Variants in NFIA observed in about 807,000 individuals in gnomAD.
NFIA encodes nuclear factor I A.
In NFIA, 8 loss-of-function variants were observed where a neutral mutation model predicts 62.8. The observed-to-expected ratio is 0.13, with a 90% CI of 0.07 to 0.23. NFIA has a LOEUF of 0.23. Among genes scored for constraint, NFIA ranks in the 10% least tolerant of loss-of-function variants. The probability of loss-of-function intolerance (pLI) is 1.00; values close to 1 mark genes in which losing one functional copy is unlikely to be tolerated. For synonymous variants in NFIA, 235 were observed against 238.1 expected, an observed-to-expected ratio of 0.99 and a Z score of 0.12; for missense variants, 410 against 642.1, an observed-to-expected ratio of 0.64 and a Z score of 3.91.
At chr1:61,381,335 G>T (rs7545732) in intron 6 of NFIA, among the ~76,000 whole-genome samples, 13,387 of 151,888 alleles carry the variant, frequency 0.088, 652 homozygotes, top group Middle Eastern at 0.12. Context: ...CTCCTTAGTG[G>T]AATTACATGA....
chr1:61,375,336 C>T (rs1664095574), intron 6 of NFIA, among the ~76,000 whole-genome samples: 1 of 152,118 alleles, frequency 6.6e-6, no homozygotes, highest in South Asian at 2.1e-4. Context: ...ATGGACATGA[C>T]TGAGCTGTCT....
chr1:61,383,463 G>C (rs559917945), intron 7 of NFIA, 98 bp downstream of exon 7: 1 of 1,390,246 alleles, frequency 7.2e-7, no homozygotes, highest in Admixed American at 2.1e-5. Context: ...CTGAACACTC[G>C]TGAGGCAGTG....
At chr1:61,210,468 A>G (rs1479240968) in intron 2 of NFIA, among the ~76,000 whole-genome samples, 2 of 152,242 alleles carry the variant, frequency 1.3e-5, no homozygotes, top group African/African-American at 4.8e-5. Flanking sequence ...AGACTTAAAT[A>G]TGAGAGGATG....
At chr1:61,421,018 G>T (rs1446080815) in intron 9 of NFIA, among the ~76,000 whole-genome samples, 1 of 151,968 alleles carries the variant, frequency 6.6e-6, no homozygotes, top group Non-Finnish European at 1.5e-5. Context: ...CCCTGCCTCT[G>T]TTCCTCCAAT....
intron 6 of NFIA, among the ~76,000 whole-genome samples, chr1:61,375,110 A>C (rs6665537): frequency 0.16 from 24,556 of 152,146 alleles, 2,163 homozygotes; most frequent in East Asian, 0.36. Flanking sequence ...ATGGTTAGAG[A>C]TAATCTAATT....
chr1:61,386,270 A>G (rs17122100), intron 7 of NFIA, among the ~76,000 whole-genome samples: 2,084 of 151,378 alleles, frequency 0.014, 53 homozygotes, highest in African/African-American at 0.049. Flanking sequence ...TCGATGTCAC[A>G]TGTGCGCATA....
At chr1:61,156,375 G>A (rs1402969726) in intron 2 of NFIA, among the ~76,000 whole-genome samples, 3 of 152,162 alleles carry the variant, frequency 2.0e-5, no homozygotes, top group Non-Finnish European at 2.9e-5. Flanking sequence ...GGACTTGTAT[G>A]TATTTATTAG....
Position 61,106,100 on chromosome 1 carries a change from C to CATCTATCTATCTATCTATCT in NFIA, c.559+17435_559+17454dup, listed in dbSNP as rs58274631. 4.7e-3 allele frequency among the ~76,000 whole-genome samples: 705 copies of CATCTATCTATCTATCTATCT among 149,152 alleles called. 6 individuals carry two copies. The highest frequency in any genetic ancestry group is 0.022 in the East Asian group (112 of 5,012). ...AAAAATCCTCTCTCTCTCTCTCATG[C>CATCTATCTATCTATCTATCT]ATCTATCTATCTATCTATCTATCTA... On this transcript the variant is annotated intron_variant, in intron 2 of 10. Coordinates refer to ENST00000403491, the MANE Select transcript of NFIA (RefSeq NM_001134673.4).
intron 6 of NFIA, among the ~76,000 whole-genome samples, chr1:61,364,958 G>A (rs975394113): frequency 6.6e-6 from 1 of 152,170 alleles, no homozygotes; most frequent in African/African-American, 2.4e-5. Context: ...CCCAAGGTGG[G>A]AGGATTGCTT....
chr1:61,349,711 A>C (rs1371906362), intron 4 of NFIA, among the ~76,000 whole-genome samples: 4 of 152,132 alleles, frequency 2.6e-5, no homozygotes, highest in Non-Finnish European at 5.9e-5. Flanking sequence ...AGTAGCTGGG[A>C]CTACAGGCAC....
intron 6 of NFIA, among the ~76,000 whole-genome samples, chr1:61,376,089 A>G (rs1408687635): frequency 1.3e-5 from 2 of 152,160 alleles, no homozygotes; most frequent in African/African-American, 2.4e-5. Flanking sequence ...CTTAGTTTCT[A>G]TAAAGATATA....
intron 2 of NFIA, among the ~76,000 whole-genome samples, chr1:61,092,087 T>C (rs1557558923): frequency 6.6e-6 from 1 of 152,294 alleles, no homozygotes; most frequent in Non-Finnish European, 1.5e-5. Flanking sequence ...TGGGGACATT[T>C]AAAATCTAAA....
chr1:61,288,001 A>T (rs898354866), intron 3 of NFIA, among the ~76,000 whole-genome samples: 1 of 152,190 alleles, frequency 6.6e-6, no homozygotes, highest in African/African-American at 2.4e-5. Context: ...TTCCTTCCGC[A>T]TCTGCTGGTA....
chr1:61,126,616 A>G (rs1428386235), intron 2 of NFIA, among the ~76,000 whole-genome samples: 6 of 152,028 alleles, frequency 3.9e-5, no homozygotes, highest in Non-Finnish European at 8.8e-5. Context: ...TCATCAGCCA[A>G]TTGTTAGTAT....
intron 2 of NFIA, among the ~76,000 whole-genome samples, chr1:61,150,804 G>A (rs745520179): frequency 5.9e-5 from 9 of 152,180 alleles, no homozygotes; most frequent in Non-Finnish European, 8.8e-5. Context: ...AGAAGGATGG[G>A]TTGAGAACAG....
At chr1:61,362,269 A>G (rs1021595100) in intron 6 of NFIA, among the ~76,000 whole-genome samples, 2 of 152,118 alleles carry the variant, frequency 1.3e-5, no homozygotes, top group African/African-American at 4.8e-5. Context: ...TTAGTAGTTC[A>G]CATGTAAATT....
intron 2 of NFIA, chr1:61,125,094 G>A (rs1196692021): frequency 6.6e-6 from 1 of 152,220 alleles, no homozygotes; most frequent in Non-Finnish European, 1.5e-5. Flanking sequence ...TAATTTGTAA[G>A]TGATAGATGT....
At chr1:61,192,040 A>T (rs910616273) in intron 2 of NFIA, among the ~76,000 whole-genome samples, 3 of 148,394 alleles carry the variant, frequency 2.0e-5, no homozygotes, top group Admixed American at 2.0e-4. Context: ...GCTCACTGCA[A>T]CCTCCACCTC....
chr1:61,376,390 A>G (rs1002392028), intron 6 of NFIA, among the ~76,000 whole-genome samples: 6 of 152,208 alleles, frequency 3.9e-5, no homozygotes, highest in African/African-American at 1.4e-4. Context: ...CAAGAGGCCT[A>G]TAGTAAATAT....
Sources: gnomAD v4.1 joint callset for allele counts (sites outside exome capture counted in the v4.1 genomes callset) on GRCh38, gnomAD v4.1.1 for gene constraint, MANE v1.5 for transcripts, NCBI Gene and HGNC (gene_info 2026-07-23, HGNC 2026-07-21) for gene names.